Variants in PER2 observed in about 807,000 individuals in gnomAD.
PER2 encodes the protein period circadian regulator 2.
Under a neutral mutation model 121.0 loss-of-function variants are expected in PER2, and 66 were observed. The observed-to-expected ratio is 0.55, with a 90% CI of 0.45 to 0.67. The LOEUF (loss-of-function observed/expected upper bound fraction) is 0.67, where lower values mean the gene tolerates loss of function less well. Ranked by LOEUF, PER2 falls within the 30% of genes least tolerant of loss-of-function variation. The probability of loss-of-function intolerance (pLI) is 0.00; values close to 1 mark genes in which losing one functional copy is unlikely to be tolerated. For synonymous variants in PER2, 684 were observed against 659.9 expected (o/e 1.04, Z -0.56); for missense variants, 1,521 against 1,635.0 (o/e 0.93, Z 1.20).
At chr2:238,290,704 A>C (rs1696934755), upstream of PER2, among the ~76,000 whole-genome samples, 1 of 152,162 alleles carries the variant, frequency 6.6e-6, no homozygotes, top group Non-Finnish European at 1.5e-5. Flanking sequence ...ACACTCCACA[A>C]ATACTTGTTG....
intron 16 of PER2, among the ~76,000 whole-genome samples, chr2:238,257,699 C>T (rs1006852924): frequency 3.9e-5 from 6 of 152,216 alleles, no homozygotes; most frequent in African/African-American, 1.4e-4. Context: ...GTCTTGAACT[C>T]CTGACCTCAA....
rs1696343939 is a variant in PER2 at position 238,273,139 on chromosome 2, T to C, written c.501A>G (p.Gly167=). The change falls in exon 5 of 23, where the codon GGA becomes GGG. Residue 167 remains glycine, a synonymous_variant. Coordinates refer to ENST00000254657, the MANE Select transcript of PER2 (RefSeq NM_022817.3). The stretch of plus-strand genomic sequence containing the variant: ...CCACGGTGTAGGAGGGCACGTCTGC[T>C]CCACAGGGGTGACCCTCGCTGGACA... The part of the protein sequence containing the change: ...LLMSSEGHPC[G]ADVPSYTVEE... 2.5e-6 allele frequency: 4 copies of C among 1,613,750 alleles called. No homozygotes were observed. The African/African-American group carries it at 4.0e-5, about 16-fold the overall frequency.
intron 1 of PER2, among the ~76,000 whole-genome samples, chr2:238,279,775 T>C (rs760737133): frequency 1.3e-5 from 2 of 152,162 alleles, no homozygotes; most frequent in East Asian, 1.9e-4. Flanking sequence ...GGAGGGATCA[T>C]TTTCAGCAGC....
the PER2 span, chr2:238,299,320 A>G: frequency 1.3e-5 from 2 of 152,058 alleles, no homozygotes; most frequent in Non-Finnish European, 2.9e-5. Flanking sequence ...GGGGCAGATC[A>G]CTTGAGGTCA....
Position 238,253,278 on chromosome 2 carries a change from C to A in PER2, c.2745G>T (p.Ser915=). The change falls in exon 19 of 23, where the codon TCG becomes TCT. Residue 915 remains serine, a synonymous_variant. Transcript: ENST00000254657. The surrounding 1 kb of genome is among the most constrained non-coding windows in gnomAD (Gnocchi z 5.6). ...AFMLPSYSFP[S]GTPNLPQAFF... ...AGGCCTGGGGCAGGTTTGGGGTCCC[C>A]GAGGGGAAGGAATAACTGGGTAGCA... 1 of 1,611,154 alleles carries A rather than the reference C, an allele frequency of 6.2e-7. No homozygotes were observed. Among genetic ancestry groups the A allele is most frequent in the South Asian group, 1.1e-5 (1 of 90,738 alleles).
chr2:238,283,612 G>A (rs145789866), intron 1 of PER2, among the ~76,000 whole-genome samples: 16 of 152,354 alleles, frequency 1.1e-4, no homozygotes, highest in East Asian at 5.8e-4. Context: ...GCCAGATCAC[G>A]GAGTGCCTTG....
At chr2:238,256,603 T>C (rs7579064) in intron 17 of PER2, among the ~76,000 whole-genome samples, 9,072 of 151,954 alleles carry the variant, frequency 0.06, 314 homozygotes, top group South Asian at 0.13. Context: ...AAGAGGGAGG[T>C]GGGGCCTCGC....
At chr2:238,269,276 C>T (rs531927973) in intron 6 of PER2, among the ~76,000 whole-genome samples, 1 of 151,220 alleles carries the variant, frequency 6.6e-6, no homozygotes, top group East Asian at 2.0e-4. Context: ...ATTAATTAAC[C>T]ACTGAACACA....
At position 238,261,780 on chromosome 2, in the gene PER2, C is replaced by T. The variant is rs1695941474; in HGVS notation, c.1365G>A (p.Leu455=). 1 of 1,577,910 alleles carries T rather than the reference C, an allele frequency of 6.3e-7. No homozygotes were observed. The highest frequency in any genetic ancestry group is 1.3e-5 in the African/African-American group (1 of 74,150). The change falls in exon 12 of 23, where the codon CTG becomes CTA. Residue 455 remains leucine, a synonymous_variant. Transcript: ENST00000254657. ...CTGTGAGCTCCTGAATGCTGGGGTG[C>T]AGGGCCTTCTCCTCTGTGCAGGGGT... ...AAHPCTEEKA[L]HPSIQELTEQ...
intron 1 of PER2, among the ~76,000 whole-genome samples, chr2:238,281,281 C>T (rs566061698): frequency 2.6e-5 from 4 of 152,090 alleles, no homozygotes; most frequent in Non-Finnish European, 5.9e-5. Flanking sequence ...GGATTACAGG[C>T]GTGAGCCACC....
intron 9 of PER2, 44 bp downstream of exon 9, chr2:238,265,468 T>A (rs1696063445): frequency 7.8e-7 from 1 of 1,276,818 alleles, no homozygotes; most frequent in African/African-American, 1.5e-5. Context: ...TAAATAGCTT[T>A]TATATCAAAA....
At position 238,246,046 on chromosome 2, in the gene PER2, A is replaced by G. The variant is rs753591008; in HGVS notation, c.*329T>C. ...CAGACAGAGGTCTCGTCACAGTCAC[A>G]GGACTTCTGGGAGCACTGAGGCAAC... On this transcript the variant is annotated 3_prime_UTR_variant, in exon 23 of 23. Transcript: ENST00000254657. 17 of 218,678 alleles carry G rather than the reference A, an allele frequency of 7.8e-5. No homozygotes were observed. The highest frequency in any genetic ancestry group is 1.7e-4 in the South Asian group (1 of 5,762). 13.5% of individuals were successfully genotyped at this position (218,678 alleles called of 1,614,324 possible).
intron 4 of PER2, among the ~76,000 whole-genome samples, chr2:238,275,136 A>C (rs1040191886): frequency 3.3e-5 from 5 of 152,198 alleles, no homozygotes; most frequent in Non-Finnish European, 5.9e-5. Context: ...TAAGCCTCTC[A>C]GATTTTTCTA....
chr2:238,297,009 T>A, the PER2 span, among the ~76,000 whole-genome samples: 3 of 152,200 alleles, frequency 2.0e-5, no homozygotes, highest in East Asian at 5.8e-4. Flanking sequence ...CTGGAGCAGT[T>A]TTTCCAGGCT....
At chr2:238,294,862 C>T (rs1016175058), upstream of PER2, among the ~76,000 whole-genome samples, 1 of 152,230 alleles carries the variant, frequency 6.6e-6, no homozygotes, top group Non-Finnish European at 1.5e-5. Flanking sequence ...CCAAAAGCTC[C>T]TCTGTGACTT....
chr2:238,251,896 A>G, intron 19 of PER2, 135 bp from the exon 20 acceptor site: 1 of 777,310 alleles, frequency 1.3e-6, no homozygotes, highest in South Asian at 1.5e-5. Flanking sequence ...GTTCACGGCC[A>G]GGGACGGCCT....
intron 22 of PER2, chr2:238,247,322 G>C (rs1254044695): frequency 6.6e-6 from 1 of 152,232 alleles, no homozygotes; most frequent in Non-Finnish European, 1.5e-5. Context: ...GGTCCCCATG[G>C]CAAGGAGCTG....
rs116622213 is a variant in PER2, at chr2:238,285,562, C to T, written c.-20+2787G>A. The stretch of plus-strand genomic sequence containing the variant: ...GTACTCAATACCTGCAAACCTAAGG[C>T]GGAAAAGCATTTTTTGTGGAAATCA... On this transcript the variant is annotated intron_variant, in intron 1 of 22. Coordinates refer to ENST00000254657, the MANE Select transcript of PER2 (RefSeq NM_022817.3). 9.8e-4 allele frequency among the ~76,000 whole-genome samples: 149 copies of T among 152,272 alleles called. 1 individual carries two copies. Among genetic ancestry groups the T allele is most frequent in the African/African-American group, 3.0e-3 (125 of 41,554 alleles).
chr2:238,297,771 T>C, the PER2 span, among the ~76,000 whole-genome samples: 20 of 152,246 alleles, frequency 1.3e-4, no homozygotes, highest in South Asian at 4.2e-3. Context: ...CCCAAAACCT[T>C]TCAGTGGGAG....
Sources: gnomAD v4.1 joint callset for allele counts (sites outside exome capture counted in the v4.1 genomes callset) on GRCh38, gnomAD v4.1.1 for gene constraint, Gnocchi (gnomAD v3.1) non-coding constraint, MANE v1.5 for transcripts, NCBI Gene and HGNC (gene_info 2026-07-23, HGNC 2026-07-21) for gene names.